The following STAT3 variants were observed in gnomAD, a reference collection of about 807,000 sequenced individuals.
STAT3 encodes DNA-binding protein APRF.
Under a neutral mutation model 114.3 loss-of-function variants are expected in STAT3, and 7 were observed. The ratio of observed to expected loss-of-function variants is 0.06; its 90% confidence interval spans 0.03 to 0.11. The LOEUF (loss-of-function observed/expected upper bound fraction) is 0.11. STAT3 is among the 10% of genes least tolerant of loss of function. STAT3 has a pLI of 1.00. For missense variants in STAT3, 364 were observed against 960.9 expected, an observed-to-expected ratio of 0.38 and a Z score of 8.21; for synonymous variants, 331 against 354.5, an observed-to-expected ratio of 0.93 and a Z score of 0.74.
At chr17:42,332,537 C>CAAAA (rs759010924) in intron 10 of STAT3, among the ~76,000 whole-genome samples, 2 of 40,776 alleles carry the variant, frequency 4.9e-5, no homozygotes, top group East Asian at 9.8e-4. Context: ...GACTCCATCT[C>CAAAA]AAAAAAAAAA....
chr17:42,388,305 C>T lies in STAT3; in HGVS notation c.-50G>A, dbSNP rs1370088865. 2.4e-6 allele frequency: 3 copies of T among 1,231,718 alleles called. No individual in the cohort carries two copies. The highest frequency in any genetic ancestry group is 3.1e-5 in the African/African-American group (2 of 64,416). 76.3% of individuals were successfully genotyped at this position (1,231,718 alleles called of 1,614,324 possible). A position where few individuals can be genotyped will look rare whatever the true frequency, so the allele number is the denominator to read the frequency against. On this transcript the variant is annotated 5_prime_UTR_variant, in exon 1 of 24. Coordinates refer to ENST00000264657, the MANE Select transcript of STAT3 (RefSeq NM_139276.3). ...TGTTTCTCCGGCAGAGGCCGAGAGG[C>T]CGGGGCTGCGCGTGTGCCGGGGACG...
chr17:42,318,947 CAAGATAGCTG>C (rs1210764280), intron 21 of STAT3, among the ~76,000 whole-genome samples: 1 of 152,190 alleles, frequency 6.6e-6, no homozygotes, highest in Non-Finnish European at 1.5e-5. Context: ...CTCCAGCATT[CAAGATAGCTG>C]AGGCCAGGCA....
intron 21 of STAT3, among the ~76,000 whole-genome samples, chr17:42,321,041 C>T (rs572639361): frequency 6.6e-6 from 1 of 151,814 alleles, no homozygotes; most frequent in South Asian, 2.1e-4. Flanking sequence ...CTGCTTCAGC[C>T]TCCCAAAGTG....
chr17:42,347,201 A>AAC (rs2082740131), intron 2 of STAT3, among the ~76,000 whole-genome samples: 1 of 151,270 alleles, frequency 6.6e-6, no homozygotes, highest in African/African-American at 2.4e-5. Context: ...AAAAAAAAAA[A>AAC]AACCACAAAA....
At chr17:42,342,329 A>G (rs1243068624) in intron 4 of STAT3, among the ~76,000 whole-genome samples, 1 of 151,994 alleles carries the variant, frequency 6.6e-6, no homozygotes, top group Non-Finnish European at 1.5e-5. Flanking sequence ...TAAAAATACA[A>G]AAAATTAGCC....
intron 2 of STAT3, among the ~76,000 whole-genome samples, chr17:42,348,108 T>C (rs541991152): frequency 2.6e-5 from 4 of 152,142 alleles, no homozygotes; most frequent in African/African-American, 4.8e-5. Context: ...TCAGAATATA[T>C]AGAGGATCTG....
At chr17:42,371,992 CA>C (rs996707769) in intron 1 of STAT3, among the ~76,000 whole-genome samples, 2 of 151,380 alleles carry the variant, frequency 1.3e-5, no homozygotes, top group Non-Finnish European at 2.9e-5. Context: ...ACTCTGTCTC[CA>C]AAAAAAACCA....
At chr17:42,322,885 G>A in intron 20 of STAT3, 119 bp downstream of exon 20, 2 of 1,438,798 alleles carry the variant, frequency 1.4e-6, no homozygotes, top group East Asian at 2.3e-5. Context: ...GCGAGTCTGA[G>A]TGAAACAGGG....
chr17:42,366,957 A>G (rs2083834372), intron 1 of STAT3, among the ~76,000 whole-genome samples: 1 of 152,088 alleles, frequency 6.6e-6, no homozygotes, highest in Admixed American at 6.6e-5. Flanking sequence ...CCTGGCCAAC[A>G]AGGTGAAATC....
chr17:42,337,514 G>A lies in STAT3; in HGVS notation c.718C>T (p.Leu240=), dbSNP rs754971639. The A allele has an allele frequency of 6.2e-7, 1 of 1,614,194 alleles. No individual in the cohort carries two copies. Among genetic ancestry groups the A allele is most frequent in the Admixed American group, 1.7e-5 (1 of 60,012 alleles). ...YVQKTLTDEE[L]ADWKRRQQIA... Reference sequence around the variant, plus strand: ...TGTTGCCGCCTCTTCCAGTCAGCCAGCTCCTCGTCCGTGAGAGTTTTCTGC... The same window carrying A: ...TGTTGCCGCCTCTTCCAGTCAGCCAACTCCTCGTCCGTGAGAGTTTTCTGC... The change falls in exon 8 of 24, where the codon CTG becomes TTG. Residue 240 remains leucine, a synonymous_variant. Coordinates refer to ENST00000264657, the MANE Select transcript of STAT3 (RefSeq NM_139276.3). This position sits in a 1 kb window ranked among gnomAD's most constrained non-coding sequence, Gnocchi z 4.0.
At chr17:42,369,390 A>G (rs1567750937) in intron 1 of STAT3, among the ~76,000 whole-genome samples, 1 of 152,018 alleles carries the variant, frequency 6.6e-6, no homozygotes, top group Non-Finnish European at 1.5e-5. Flanking sequence ...AAACAAAAAC[A>G]TGATCTCGTT....
At chr17:42,383,747 A>C (rs1412379834) in intron 1 of STAT3, among the ~76,000 whole-genome samples, 6 of 152,256 alleles carry the variant, frequency 3.9e-5, no homozygotes, top group South Asian at 2.1e-4. Context: ...GAAGTTCTTC[A>C]GGATTCGGGG....
intron 21 of STAT3, among the ~76,000 whole-genome samples, chr17:42,321,298 T>A (rs1028243069): frequency 2.6e-5 from 4 of 151,468 alleles, no homozygotes; most frequent in Non-Finnish European, 2.9e-5. Context: ...TTAAAAAAAA[T>A]TATTTTTGTA....
At chr17:42,371,392 G>A (rs911448356) in intron 1 of STAT3, among the ~76,000 whole-genome samples, 1 of 151,740 alleles carries the variant, frequency 6.6e-6, no homozygotes, top group African/African-American at 2.4e-5. Context: ...CAAAACAGGC[G>A]GGGCACGGTG....
At chr17:42,348,662 C>T (rs1395290058) in intron 1 of STAT3, 123 bp from the exon 2 acceptor site, 19 of 1,103,464 alleles carry the variant, frequency 1.7e-5, no homozygotes, top group Non-Finnish European at 2.5e-5. Flanking sequence ...CTGGGGAGGA[C>T]CCTGCTTCTT....
Position 42,337,627 on chromosome 17 carries a change from G to T in STAT3, c.646-41C>A, listed in dbSNP as rs760355459. 1 of 1,614,056 alleles carries T rather than the reference G, an allele frequency of 6.2e-7. No homozygotes were observed. Among genetic ancestry groups the T allele is most frequent in the Non-Finnish European group, 8.5e-7 (1 of 1,180,040 alleles). ...AACAAAGTCAGAAAACATTTCCTCA[G>T]ACTGTCTCTAACCACATTCTTTAGT... On this transcript the variant is annotated intron_variant, in intron 7 of 23. Coordinates refer to ENST00000264657, the MANE Select transcript of STAT3 (RefSeq NM_139276.3). The surrounding 1 kb of genome is among the most constrained non-coding windows in gnomAD (Gnocchi z 4.0).
intron 15 of STAT3, among the ~76,000 whole-genome samples, 196 bp downstream of exon 15, chr17:42,325,920 A>G (rs1482957799): frequency 2.6e-5 from 4 of 152,232 alleles, no homozygotes; most frequent in African/African-American, 9.6e-5. Context: ...ATATACACAC[A>G]TCTTCTAAGC....
intron 4 of STAT3, among the ~76,000 whole-genome samples, chr17:42,339,993 C>G (rs1434297192): frequency 1.3e-5 from 2 of 152,078 alleles, no homozygotes; most frequent in South Asian, 4.2e-4. Flanking sequence ...AGTGAGGCCC[C>G]ATCTCGAATG....
chr17:42,334,118 G>A (rs1381257164), intron 8 of STAT3, 69 bp from the exon 9 acceptor site: 24 of 1,563,480 alleles, frequency 1.5e-5, no homozygotes, highest in Non-Finnish European at 2.1e-5. Flanking sequence ...AGAAGGGGAA[G>A]GAAATACTGA....
Sources: gnomAD v4.1 joint callset for allele counts (sites outside exome capture counted in the v4.1 genomes callset) on GRCh38, gnomAD v4.1.1 for gene constraint, Gnocchi (gnomAD v3.1) non-coding constraint, MANE v1.5 for transcripts, NCBI Gene and HGNC (gene_info 2026-07-23, HGNC 2026-07-21) for gene names.